Variants in TP63 observed in about 807,000 individuals in gnomAD.
TP63 encodes tumor protein 63.
In TP63, 17 loss-of-function variants were observed where a neutral mutation model predicts 82.8. That is an observed-to-expected ratio of 0.21 (90% CI 0.14 to 0.31). The LOEUF is 0.31. Among genes scored for constraint, TP63 ranks in the 10% least tolerant of loss-of-function variants. The pLI, the probability that TP63 is intolerant of heterozygous loss-of-function variation, is 1.00. For missense variants in TP63, 648 were observed against 895.3 expected, an observed-to-expected ratio of 0.72 and a Z score of 3.52; for synonymous variants, 330 against 321.7, an observed-to-expected ratio of 1.03 and a Z score of -0.28.
intron 10 of TP63, among the ~76,000 whole-genome samples, chr3:189,883,547 T>A (rs1445038366): frequency 6.6e-6 from 1 of 152,168 alleles, no homozygotes; most frequent in African/African-American, 2.4e-5. Context: ...TATTTGAGGC[T>A]GGAGGGAAAC....
At chr3:189,796,232 A>G (rs1022072206) in intron 3 of TP63, among the ~76,000 whole-genome samples, 2 of 152,038 alleles carry the variant, frequency 1.3e-5, no homozygotes, top group Non-Finnish European at 2.9e-5. Context: ...TATCTTTGCC[A>G]TAAAATTTTT....
At chr3:189,616,128 A>T in the TP63 span, among the ~76,000 whole-genome samples, 1 of 152,360 alleles carries the variant, frequency 6.6e-6, no homozygotes, top group East Asian at 1.9e-4. Context: ...TTCTGTAATC[A>T]GTTATAAACA....
At chr3:189,707,934 T>A (rs1210467350) in intron 1 of TP63, among the ~76,000 whole-genome samples, 1 of 152,176 alleles carries the variant, frequency 6.6e-6, no homozygotes, top group African/African-American at 2.4e-5. Flanking sequence ...TACAAAGACA[T>A]GCAAGTATCT....
chr3:189,604,737 T>G, the TP63 span, among the ~76,000 whole-genome samples: 1 of 152,222 alleles, frequency 6.6e-6, no homozygotes, highest in South Asian at 2.1e-4. Context: ...ATATCTTATT[T>G]TGTTACTTCT....
intron 3 of TP63, among the ~76,000 whole-genome samples, chr3:189,774,368 A>C (rs1723619397): frequency 6.6e-6 from 1 of 152,228 alleles, no homozygotes; most frequent in South Asian, 2.1e-4. Context: ...GTAGAACACA[A>C]ATTTTATACT....
chr3:189,622,482 C>T, the TP63 span, among the ~76,000 whole-genome samples: 7 of 152,158 alleles, frequency 4.6e-5, 1 homozygote, highest in Admixed American at 3.9e-4. Flanking sequence ...GTTAACCTAA[C>T]TTGGCTATTT....
chr3:189,625,185 T>G, the TP63 span, among the ~76,000 whole-genome samples: 8 of 152,196 alleles, frequency 5.3e-5, no homozygotes. Flanking sequence ...TGGAAGGAAC[T>G]CTGCAAATCT....
intron 4 of TP63, among the ~76,000 whole-genome samples, chr3:189,835,519 G>A (rs1713003635): frequency 6.6e-6 from 1 of 152,160 alleles, no homozygotes; most frequent in Non-Finnish European, 1.5e-5. Flanking sequence ...TTAACATAAT[G>A]AAAGCATTGC....
intron 1 of TP63, among the ~76,000 whole-genome samples, chr3:189,664,922 T>C (rs1714248201): frequency 6.6e-6 from 1 of 152,142 alleles, no homozygotes; most frequent in Non-Finnish European, 1.5e-5. Flanking sequence ...TTGTACCTGC[T>C]CATACCATCT....
At chr3:189,694,005 T>G (rs754833741) in intron 1 of TP63, among the ~76,000 whole-genome samples, 17 of 152,206 alleles carry the variant, frequency 1.1e-4, no homozygotes, top group Admixed American at 2.0e-4. Flanking sequence ...TGAAATTATC[T>G]AAACTATCTG....
chr3:189,801,558 A>C (rs1726307057), intron 3 of TP63, among the ~76,000 whole-genome samples: 1 of 152,164 alleles, frequency 6.6e-6, no homozygotes, highest in South Asian at 2.1e-4. Flanking sequence ...ACACATTTTA[A>C]TTTAGCTGCA....
intron 4 of TP63, among the ~76,000 whole-genome samples, chr3:189,822,567 T>C (rs4687097): frequency 6.6e-6 from 1 of 152,078 alleles, no homozygotes; most frequent in Non-Finnish European, 1.5e-5. Context: ...ATGAGTAGTA[T>C]TTATCTTGTA....
intron 3 of TP63, among the ~76,000 whole-genome samples, chr3:189,792,807 A>C (rs1178756481): frequency 1.3e-5 from 2 of 152,030 alleles, no homozygotes; most frequent in Admixed American, 6.6e-5. Context: ...TGAATGCAAG[A>C]AAAAAAGTGT....
chr3:189,661,140 G>A (rs1467478228), intron 1 of TP63, among the ~76,000 whole-genome samples: 1 of 152,030 alleles, frequency 6.6e-6, no homozygotes, highest in Non-Finnish European at 1.5e-5. Context: ...AAGCATCCTT[G>A]TCTTCTTCTA....
chr3:189,678,401 G>T (rs1474009096), intron 1 of TP63, among the ~76,000 whole-genome samples: 1 of 151,850 alleles, frequency 6.6e-6, no homozygotes, highest in Non-Finnish European at 1.5e-5. Context: ...GTAGATATGT[G>T]GCTTTATTCC....
At position 189,737,825 on chromosome 3, in the gene TP63, C is replaced by T. The variant is rs1163601484; in HGVS notation, c.148C>T (p.Leu50Phe). The T allele has an allele frequency of 6.2e-7, 1 of 1,613,968 alleles. No homozygotes were observed. Among genetic ancestry groups the T allele is most frequent in the South Asian group, 1.1e-5 (1 of 91,082 alleles). ...CCAGAGCACACAGACAAATGAATTC[C>T]TCAGTCCAGAGGTTTTCCAGCATAT... The part of the protein sequence containing the change: ...MSQSTQTNEF[L>F]SPEVFQHIWD... Residue 50 changes from leucine (L) to phenylalanine (F), a missense_variant, in exon 2 of 14, where the codon CTC becomes TTC. Leu to Phe is a conservative substitution (Grantham distance 22). This residue lies in a region of TP63 where 182 missense variants were observed against 213.6 expected (regional missense o/e 0.85). Coordinates refer to ENST00000264731, the MANE Select transcript of TP63 (RefSeq NM_003722.5).
intron 10 of TP63, among the ~76,000 whole-genome samples, chr3:189,876,300 T>C (rs1229011103): frequency 6.6e-6 from 1 of 152,232 alleles, no homozygotes; most frequent in East Asian, 1.9e-4. Context: ...TAACCCTCTT[T>C]TTCTATACGA....
intron 3 of TP63, among the ~76,000 whole-genome samples, chr3:189,745,386 ACATT>A (rs903209193): frequency 1.3e-5 from 2 of 152,150 alleles, no homozygotes; most frequent in African/African-American, 4.8e-5. Flanking sequence ...TATAAATGAG[ACATT>A]TACCAAAGAG....
chr3:189,703,462 A>AGATAGATAGATAGATAGATAGATAGAT (rs1717972199), intron 1 of TP63, among the ~76,000 whole-genome samples: 1 of 152,084 alleles, frequency 6.6e-6, no homozygotes, highest in African/African-American at 2.4e-5. Context: ...ATAGATAGAT[A>AGATAGATAGATAGATAGATAGATAGAT]GATACTCTCC....
Sources: allele counts gnomAD v4.1 joint callset (sites outside exome capture counted in the v4.1 genomes callset), GRCh38; gene constraint gnomAD v4.1.1; regional missense constraint gnomAD v4.1.1; transcripts MANE v1.5; gene names NCBI Gene and HGNC (gene_info 2026-07-23, HGNC 2026-07-21).